The following PLCG2 variants were observed in gnomAD, a reference collection of about 807,000 sequenced individuals.
PLCG2 encodes 1-phosphatidylinositol 4,5-bisphosphate phosphodiesterase gamma-2.
In PLCG2, 69 loss-of-function variants were observed where a neutral mutation model predicts 175.6. The observed-to-expected ratio is 0.39, with a 90% CI of 0.32 to 0.48. PLCG2 has a LOEUF of 0.48. Among genes scored for constraint, PLCG2 ranks in the 20% least tolerant of loss-of-function variants. PLCG2 has a pLI of 0.91. For missense variants in PLCG2, 1,798 were observed against 1,650.9 expected, an observed-to-expected ratio of 1.09 and a Z score of -1.54; for synonymous variants, 827 against 624.0, an observed-to-expected ratio of 1.33 and a Z score of -4.85.
intron 2 of PLCG2, among the ~76,000 whole-genome samples, chr16:81,795,290 T>C (rs1336359886): frequency 6.6e-6 from 1 of 152,170 alleles, no homozygotes; most frequent in Non-Finnish European, 1.5e-5. Context: ...CTAGCCTAGC[T>C]GGGGAAGGCC....
At chr16:81,769,891 G>T (rs898887026) in intron 2 of PLCG2, among the ~76,000 whole-genome samples, 1 of 149,934 alleles carries the variant, frequency 6.7e-6, no homozygotes, top group Non-Finnish European at 1.5e-5. Flanking sequence ...CACCACTGGT[G>T]TTTCACACCT....
intron 11 of PLCG2, 123 bp from the exon 12 acceptor site, chr16:81,893,586 G>C (rs1215312141): frequency 4.4e-6 from 3 of 681,564 alleles, no homozygotes; most frequent in African/African-American, 1.8e-5. Flanking sequence ...TTTCTACATG[G>C]AAGAACTCAG....
chr16:81,956,997 G>GCCTGTGAGCCACCATGC, intron 32 of PLCG2, 118 bp downstream of exon 32: 1 of 822,958 alleles, frequency 1.2e-6, no homozygotes, highest in Non-Finnish European at 1.9e-6. Flanking sequence ...GAAATCCTTG[G>GCCTGTGAGCCACCATGC]CCGGGCATGG....
chr16:81,829,936 G>C (rs1274795647), intron 2 of PLCG2, among the ~76,000 whole-genome samples: 1 of 151,980 alleles, frequency 6.6e-6, no homozygotes, highest in Non-Finnish European at 1.5e-5. Flanking sequence ...TCTACCTCTC[G>C]GTGGCATCCC....
Position 81,785,721 on chromosome 16 carries a change from G to T in PLCG2, c.-47-222G>T, listed in dbSNP as rs1597317258. 4 of 341,790 alleles carry T rather than the reference G, an allele frequency of 1.2e-5. No individual in the cohort carries two copies. The East Asian group carries it at 2.5e-4, about 22-fold the overall frequency. The allele number at this position is 341,790 out of a possible 1,614,324, so 21.2% of individuals were successfully genotyped here. On this transcript the variant is annotated intron_variant, in intron 1 of 32. Transcript: ENST00000564138. ...TATTCAAAGCCCACGTAACGGTTGG[G>T]TCCTTGAGGTCAGGGGCTCTTCTCA... is the stretch of plus-strand genomic sequence containing the variant.
intron 24 of PLCG2, among the ~76,000 whole-genome samples, chr16:81,929,016 G>C (rs12448088): frequency 0.52 from 79,556 of 151,984 alleles, 22,439 homozygotes; most frequent in East Asian, 0.78. Flanking sequence ...CTGCCTCTCT[G>C]TCGCTGTGAG....
rs144506954 is a variant in PLCG2, at chr16:81,861,121, T to G, written c.479+1958T>G. On this transcript the variant is annotated intron_variant, in intron 5 of 32. Transcript: ENST00000564138. Reference sequence around the variant, plus strand: ...TGTATTTGGCATGCCAGGGATTGCATTGAGCTCTTCAGTCCTTGTCTCATG... The same window carrying G: ...TGTATTTGGCATGCCAGGGATTGCAGTGAGCTCTTCAGTCCTTGTCTCATG... 2.0e-5 allele frequency among the ~76,000 whole-genome samples: 3 copies of G among 152,348 alleles called. No homozygotes were observed. The South Asian group carries it at 6.2e-4, about 32-fold the overall frequency.
intron 31 of PLCG2, among the ~76,000 whole-genome samples, chr16:81,952,365 T>C (rs1911401161): frequency 6.6e-6 from 1 of 152,178 alleles, no homozygotes; most frequent in South Asian, 2.1e-4. Context: ...CTAGAACTTA[T>C]GACACCCCAG....
chr16:81,945,127 C>T (rs1178651945), intron 30 of PLCG2, among the ~76,000 whole-genome samples: 1 of 152,144 alleles, frequency 6.6e-6, no homozygotes, highest in South Asian at 2.1e-4. Flanking sequence ...AAGAATGTGA[C>T]CTTCCTCTTC....
At chr16:81,952,955 A>G (rs1366356890) in intron 31 of PLCG2, among the ~76,000 whole-genome samples, 1 of 152,126 alleles carries the variant, frequency 6.6e-6, no homozygotes, top group Non-Finnish European at 1.5e-5. Context: ...CAGATGATCA[A>G]CGTTACCAAC....
chr16:81,861,743 C>G (rs536977545), intron 5 of PLCG2, among the ~76,000 whole-genome samples: 2 of 152,200 alleles, frequency 1.3e-5, no homozygotes, highest in Non-Finnish European at 2.9e-5. Flanking sequence ...GGGAGCCACC[C>G]TCAGTGCCTC....
intron 2 of PLCG2, among the ~76,000 whole-genome samples, chr16:81,818,760 G>A (rs1484556799): frequency 1.3e-5 from 2 of 152,006 alleles, no homozygotes; most frequent in African/African-American, 4.8e-5. Context: ...ACTGAGGGCT[G>A]CTGAGCCTGT....
intron 2 of PLCG2, among the ~76,000 whole-genome samples, chr16:81,801,788 C>G (rs1432571321): frequency 1.3e-5 from 2 of 152,026 alleles, no homozygotes; most frequent in East Asian, 3.9e-4. Flanking sequence ...TCAAGCGATT[C>G]TCTTGCTTCA....
At chr16:81,882,299 A>C (rs981155422) in intron 8 of PLCG2, among the ~76,000 whole-genome samples, 10 of 151,996 alleles carry the variant, frequency 6.6e-5, no homozygotes, top group African/African-American at 2.4e-4. Flanking sequence ...TTCGGAGTGT[A>C]GTGTTCCCTA....
At chr16:81,914,253 G>A (rs1474169267) in intron 19 of PLCG2, among the ~76,000 whole-genome samples, 1 of 152,220 alleles carries the variant, frequency 6.6e-6, no homozygotes, top group Non-Finnish European at 1.5e-5. Flanking sequence ...TGACACAACC[G>A]GATCGGGGCC....
At chr16:81,942,226 T>A (rs4485362) in intron 30 of PLCG2, among the ~76,000 whole-genome samples, 2 of 152,048 alleles carry the variant, frequency 1.3e-5, no homozygotes, top group Non-Finnish European at 2.9e-5. Context: ...TCCCAGTGCC[T>A]TGCAGAGATG....
chr16:81,889,795 T>C (rs963406155), intron 10 of PLCG2, among the ~76,000 whole-genome samples: 2 of 152,170 alleles, frequency 1.3e-5, no homozygotes, highest in East Asian at 3.9e-4. Context: ...GCTGGGATTA[T>C]AGGCGCTGTC....
At chr16:81,891,632 G>C in intron 11 of PLCG2, 42 bp downstream of exon 11, 1 of 1,137,436 alleles carries the variant, frequency 8.8e-7, no homozygotes, top group Non-Finnish European at 1.3e-6. Context: ...GCAGCACAGA[G>C]CACGTGAGGG....
At chr16:81,823,868 TTTC>T (rs1763378510) in intron 2 of PLCG2, among the ~76,000 whole-genome samples, 1 of 151,770 alleles carries the variant, frequency 6.6e-6, no homozygotes, top group African/African-American at 2.4e-5. Flanking sequence ...CTTCTTTTCT[TTTC>T]TTTTTTCTTC....
Sources: gnomAD v4.1 joint callset for allele counts (sites outside exome capture counted in the v4.1 genomes callset) on GRCh38, gnomAD v4.1.1 for gene constraint, MANE v1.5 for transcripts, NCBI Gene and HGNC (gene_info 2026-07-23, HGNC 2026-07-21) for gene names.